ZDBF2: variants seen among roughly 807,000 people sequenced by gnomAD.
The protein encoded by ZDBF2 is DBF4-type zinc finger-containing protein 2.
A neutral mutation model predicts 9.4 loss-of-function variants in ZDBF2; 6 were observed. The observed-to-expected ratio is 0.64, with a 90% CI of 0.35 to 1.27. The LOEUF (loss-of-function observed/expected upper bound fraction) is 1.27, where lower values mean the gene tolerates loss of function less well. Among genes scored for constraint, ZDBF2 ranks in the 50% most tolerant of loss-of-function variants. The probability of loss-of-function intolerance (pLI) is 0.03; values close to 1 mark genes in which losing one functional copy is unlikely to be tolerated. For missense variants in ZDBF2, 2,697 were observed against 2,766.8 expected (o/e 0.97, Z 0.57); for synonymous variants, 905 against 946.3 (o/e 0.96, Z 0.80).
chr2:206,294,158 T>TA (rs1692045728), intron 3 of ZDBF2, among the ~76,000 whole-genome samples: 1 of 152,228 alleles, frequency 6.6e-6, no homozygotes, highest in Admixed American at 6.5e-5. Flanking sequence ...TGACTCCATT[T>TA]ATATACATTT....
chr2:206,294,089 G>T (rs906421689), intron 3 of ZDBF2, among the ~76,000 whole-genome samples: 2 of 152,106 alleles, frequency 1.3e-5, no homozygotes, highest in Non-Finnish European at 2.9e-5. Context: ...CAATATGTAT[G>T]AATATCACAT....
In ZDBF2 at chr2:206,309,911, G is replaced by A. The variant is rs556637221; in HGVS notation, c.5383G>A (p.Val1795Ile). 1 of 1,613,930 alleles carries A rather than the reference G, an allele frequency of 6.2e-7. No homozygotes were observed. The highest frequency in any genetic ancestry group is 1.3e-5 in the African/African-American group (1 of 75,026). Reference sequence around the variant, plus strand: ...TTCCCAGTCAAGCTCTGTTCTCAAGGTTGATTCTGTAAGGAACCTGAAAAA... The same window carrying A: ...TTCCCAGTCAAGCTCTGTTCTCAAGATTGATTCTGTAAGGAACCTGAAAAA... ...HDSQSSSVLKVDSVRNLKKAK... is the reference protein window; with the variant it reads ...HDSQSSSVLKIDSVRNLKKAK... Residue 1795 changes from valine (V) to isoleucine (I), a missense_variant, in exon 5 of 5, where the codon GTT becomes ATT. By Grantham distance (29) the Val-to-Ile change is conservative. Around this residue, in one of 3 missense-constraint regions of ZDBF2, gnomAD observed 1,783 missense variants for 1,776.5 expected, o/e 1.00. Coordinates refer to ENST00000374423, the MANE Select transcript of ZDBF2 (RefSeq NM_020923.3).
rs1243302577 is a variant in ZDBF2 at position 206,313,296 on chromosome 2, A to G, written c.*1703A>G. 6.6e-6 allele frequency: 1 copy of G among 152,174 alleles called. No individual in the cohort carries two copies. Among genetic ancestry groups the G allele is most frequent in the Non-Finnish European group, 1.5e-5 (1 of 68,028 alleles). The allele number at this position is 152,174 out of a possible 1,614,324, so 9.4% of individuals were successfully genotyped here. On this transcript the variant is annotated 3_prime_UTR_variant, in exon 5 of 5. Coordinates refer to ENST00000374423, the MANE Select transcript of ZDBF2 (RefSeq NM_020923.3). ...GTTCTTTTGTGATTTCTTTACTTCT[A>G]AATTTAAATAGTAATTATGTTTAAA...
Position 206,306,330 on chromosome 2 carries a change from A to G in ZDBF2, c.1802A>G (p.Lys601Arg). ...GTTGATCATCCCCAACTGACTGTCA[A>G]AGGAAGAAACCTGAAAGGTAGACAA... ...SVVDHPQLTV[K>R]GRNLKGRQVH... Residue 601 changes from lysine to arginine, a missense_variant, in exon 5 of 5, where the codon AAA becomes AGA. By Grantham distance (26) the Lys-to-Arg change is conservative. This residue lies in a region of ZDBF2 where 910 missense variants were observed against 973.6 expected (regional missense o/e 0.93). Coordinates refer to ENST00000374423, the MANE Select transcript of ZDBF2 (RefSeq NM_020923.3). 6.2e-7 allele frequency: 1 copy of G among 1,613,754 alleles called. No homozygotes were observed. Among genetic ancestry groups the G allele is most frequent in the Non-Finnish European group, 8.5e-7 (1 of 1,179,806 alleles).
chr2:206,297,374 G>A lies in ZDBF2; in HGVS notation c.188+1G>A. On this transcript the variant is annotated splice_donor_variant, in intron 4 of 4. Coordinates refer to ENST00000374423, the MANE Select transcript of ZDBF2 (RefSeq NM_020923.3). LOFTEE classifies it high-confidence loss of function. ...ACCCATATCATTGTCAAGAGAGCAGGTAAAGTAGTTGATTGGAATAATATT... is the reference window on the plus strand; with the variant it reads ...ACCCATATCATTGTCAAGAGAGCAGATAAAGTAGTTGATTGGAATAATATT... The A allele has an allele frequency of 6.2e-7, 1 of 1,610,982 alleles. No individual in the cohort carries two copies. Among genetic ancestry groups the A allele is most frequent in the Non-Finnish European group, 8.5e-7 (1 of 1,178,830 alleles).
intron 4 of ZDBF2, among the ~76,000 whole-genome samples, chr2:206,301,277 C>T (rs1383142275): frequency 1.3e-5 from 2 of 151,658 alleles, no homozygotes; most frequent in East Asian, 3.9e-4. Flanking sequence ...TTTTCAGAAC[C>T]TAATTGTTTG....
chr2:206,309,383 C>A lies in ZDBF2; in HGVS notation c.4855C>A (p.Gln1619Lys). The A allele has an allele frequency of 6.2e-7, 1 of 1,613,612 alleles. No homozygotes were observed. The highest frequency in any genetic ancestry group is 8.5e-7 in the Non-Finnish European group (1 of 1,179,794). ...TATTATTCTGGGAGAGCCAAGTTGT[C>A]AATCTTGTGGTTCTGAAATGAATTT... Reference protein sequence around the residue: ...DYIILGEPSCQSCGSEMNFNV... With the variant: ...DYIILGEPSCKSCGSEMNFNV... Residue 1619 changes from glutamine to lysine, a missense_variant, in exon 5 of 5, where the codon CAA (glutamine) becomes AAA (lysine). Gln to Lys is a moderately conservative substitution (Grantham distance 53). This residue lies in a region of ZDBF2 where 1,783 missense variants were observed against 1,776.5 expected (regional missense o/e 1.00). Coordinates refer to ENST00000374423, the MANE Select transcript of ZDBF2 (RefSeq NM_020923.3).
intron 3 of ZDBF2, among the ~76,000 whole-genome samples, chr2:206,288,687 C>A (rs575942730): frequency 6.6e-6 from 1 of 152,220 alleles, no homozygotes; most frequent in South Asian, 2.1e-4. Context: ...GAGCCAGGAC[C>A]TGTAACTTTT....
intron 4 of ZDBF2, among the ~76,000 whole-genome samples, chr2:206,302,381 G>A (rs151139119): frequency 6.6e-6 from 1 of 152,172 alleles, no homozygotes; most frequent in African/African-American, 2.4e-5. Context: ...GGTTACAAAT[G>A]ATGAGTTAAA....
rs1392478614 is a variant in ZDBF2 at position 206,308,737 on chromosome 2, T to C, written c.4209T>C (p.Tyr1403=). 6.2e-7 allele frequency: 1 copy of C among 1,613,330 alleles called. No homozygotes were observed. The highest frequency in any genetic ancestry group is 8.5e-7 in the Non-Finnish European group (1 of 1,179,798). The change falls in exon 5 of 5, where the codon TAT becomes TAC. Residue 1403 remains tyrosine, a synonymous_variant. Coordinates refer to ENST00000374423, the MANE Select transcript of ZDBF2 (RefSeq NM_020923.3). ...ATATTTACCTGGAAGATAAGAGCTA[T>C]AAATTAGGTGATTTTGATGTAAGTT... ...EDHIYLEDKS[Y]KLGDFDVSYA...
intron 3 of ZDBF2, 150 bp from the exon 4 acceptor site, chr2:206,297,096 A>G: frequency 2.1e-6 from 1 of 483,376 alleles, no homozygotes; most frequent in Non-Finnish European, 3.6e-6. Flanking sequence ...AAGTAGTTTT[A>G]TGGTTTTTAG....
Position 206,308,728 on chromosome 2 carries a change from T to C in ZDBF2, c.4200T>C (p.Asp1400=). The C allele has an allele frequency of 1.2e-6, 2 of 1,613,196 alleles. No individual in the cohort carries two copies. Among genetic ancestry groups the C allele is most frequent in the African/African-American group, 2.7e-5 (2 of 75,030 alleles). The part of the protein sequence containing the change: ...LWKEDHIYLE[D]KSYKLGDFDV... Reference sequence around the variant, plus strand: ...AGGAAGACCATATTTACCTGGAAGATAAGAGCTATAAATTAGGTGATTTTG... The same window carrying C: ...AGGAAGACCATATTTACCTGGAAGACAAGAGCTATAAATTAGGTGATTTTG... Residue 1400 remains aspartate, a synonymous_variant, in exon 5 of 5, where the codon GAT becomes GAC. Coordinates refer to ENST00000374423, the MANE Select transcript of ZDBF2 (RefSeq NM_020923.3).
rs759990385 is a variant in ZDBF2, at chr2:206,306,120, A to G, written c.1592A>G (p.Tyr531Cys). Residue 531 changes from tyrosine (Y) to cysteine (C), a missense_variant, in exon 5 of 5, where the codon TAT becomes TGT. Physicochemically the swap from Tyr to Cys is radical, Grantham distance 194. Around this residue, in one of 3 missense-constraint regions of ZDBF2, gnomAD observed 910 missense variants for 973.6 expected, o/e 0.93. Transcript: ENST00000374423. Reference protein sequence around the residue: ...EVHIGLVDKNYGSSSSEVSAD... With the variant: ...EVHIGLVDKNCGSSSSEVSAD... ...CACATTGGTTTGGTTGATAAGAACTATGGTTCCAGTAGCTCTGAAGTAAGT... is the reference window on the plus strand; with the variant it reads ...CACATTGGTTTGGTTGATAAGAACTGTGGTTCCAGTAGCTCTGAAGTAAGT... The G allele has an allele frequency of 5.0e-6, 8 of 1,613,728 alleles. No individual in the cohort carries two copies. Among genetic ancestry groups the G allele is most frequent in the Admixed American group, 1.7e-5 (1 of 59,972 alleles).
At position 206,309,103 on chromosome 2, in the gene ZDBF2, G is replaced by T; in HGVS notation, c.4575G>T (p.Val1525=). Residue 1525 remains valine (V), a synonymous_variant, in exon 5 of 5, where the codon GTG becomes GTT. Transcript: ENST00000374423. The part of the protein sequence containing the change: ...GSVKETHLPK[V]VLVDLVPGDS... ...TCAAAGAAACCCACCTTCCAAAGGT[G>T]GTACTTGTGGATCTGGTGCCCGGTG... 1 of 1,613,912 alleles carries T rather than the reference G, an allele frequency of 6.2e-7. No individual in the cohort carries two copies. Among genetic ancestry groups the T allele is most frequent in the Non-Finnish European group, 8.5e-7 (1 of 1,179,854 alleles).
intron 1 of ZDBF2, 70 bp downstream of exon 1, chr2:206,275,016 C>G (rs545979328): frequency 1.3e-4 from 20 of 150,300 alleles, no homozygotes; most frequent in African/African-American, 4.6e-4. Flanking sequence ...CGCCGGGCGC[C>G]CGGGGCGCCT....
intron 1 of ZDBF2, among the ~76,000 whole-genome samples, chr2:206,275,791 C>T (rs887614746): frequency 6.6e-6 from 1 of 152,154 alleles, no homozygotes; most frequent in Admixed American, 6.5e-5. Context: ...GGTATCTTTC[C>T]TTCCTTTTTA....
At chr2:206,296,736 C>T (rs1692197974) in intron 3 of ZDBF2, among the ~76,000 whole-genome samples, 1 of 152,168 alleles carries the variant, frequency 6.6e-6, no homozygotes, top group Admixed American at 6.5e-5. Context: ...GCGCCATAGA[C>T]TGCTCGGCCA....
intron 3 of ZDBF2, among the ~76,000 whole-genome samples, chr2:206,288,335 C>T (rs913345770): frequency 1.3e-5 from 2 of 152,212 alleles, no homozygotes; most frequent in Non-Finnish European, 2.9e-5. Context: ...GCTGTGTTCA[C>T]CATCAGCAAT....
intron 4 of ZDBF2, among the ~76,000 whole-genome samples, chr2:206,301,170 T>C (rs1187666640): frequency 2.0e-5 from 3 of 152,246 alleles, no homozygotes; most frequent in African/African-American, 7.2e-5. Context: ...TAATATACTT[T>C]GCCCATTTTT....
Sources: gnomAD v4.1 joint callset for allele counts (sites outside exome capture counted in the v4.1 genomes callset) on GRCh38, gnomAD v4.1.1 for gene constraint, gnomAD v4.1.1 regional missense constraint, MANE v1.5 for transcripts, NCBI Gene and HGNC (gene_info 2026-07-23, HGNC 2026-07-21) for gene names.